CAPN14: variants seen among roughly 807,000 people sequenced by gnomAD.
CAPN14 encodes calpain-14.
CAPN14 carries 94 observed loss-of-function variants against 101.3 expected under a neutral mutation model. The ratio of observed to expected loss-of-function variants is 0.93; its 90% CI spans 0.79 to 1.10. The LOEUF (loss-of-function observed/expected upper bound fraction) is 1.10. CAPN14 is among the 50% of genes least tolerant of loss of function. The pLI, the probability that CAPN14 is intolerant of heterozygous loss-of-function variation, is 0.00. For synonymous variants in CAPN14, 338 were observed against 317.9 expected (o/e 1.06, Z -0.67); for missense variants, 837 against 828.4 (o/e 1.01, Z -0.13).
chr2:31,198,256 C>T (rs952356281), intron 7 of CAPN14, among the ~76,000 whole-genome samples: 1 of 152,214 alleles, frequency 6.6e-6, no homozygotes, highest in Non-Finnish European at 1.5e-5. Flanking sequence ...AAGCCCCCTC[C>T]CTGCTCCGAG....
At chr2:31,203,586 C>A (rs1206000647) in intron 2 of CAPN14, among the ~76,000 whole-genome samples, 1 of 152,084 alleles carries the variant, frequency 6.6e-6, no homozygotes, top group Non-Finnish European at 1.5e-5. Flanking sequence ...GGGGGGTTGT[C>A]TCTGCTCCGT....
At chr2:31,197,379 A>G (rs7568661) in intron 7 of CAPN14, 45 bp from the exon 8 acceptor site, 227,486 of 1,322,830 alleles carry the variant, frequency 0.17, 21,371 homozygotes, top group East Asian at 0.33. Context: ...CTGAGTGCAA[A>G]CATTCCAGAG....
At chr2:31,232,422 C>T (rs1683222472) in intron 1 of CAPN14, among the ~76,000 whole-genome samples, 1 of 152,226 alleles carries the variant, frequency 6.6e-6, no homozygotes, top group Non-Finnish European at 1.5e-5. Context: ...CCTAAATGGT[C>T]TCTTGGCCTC....
chr2:31,200,648 T>C (rs954619843), intron 5 of CAPN14, 23 bp from the exon 6 acceptor site: 6 of 1,521,964 alleles, frequency 3.9e-6, no homozygotes, highest in Non-Finnish European at 4.4e-6. Context: ...GAAATAAACA[T>C]GAGAGGAAAA....
intron 7 of CAPN14, 96 bp downstream of exon 7, chr2:31,199,374 C>A (rs548577971): frequency 6.6e-6 from 7 of 1,067,396 alleles, no homozygotes; most frequent in Non-Finnish European, 9.8e-6. Flanking sequence ...ACCCACTCTC[C>A]AGATGGTACA....
At chr2:31,197,122 C>T (rs1479592487) in intron 8 of CAPN14, 127 bp downstream of exon 8, 3 of 617,456 alleles carry the variant, frequency 4.9e-6, no homozygotes, top group Non-Finnish European at 8.8e-6. Flanking sequence ...ATTGAGCTTC[C>T]CCGTCTAAAG....
rs1174364231 is a variant in CAPN14 at position 31,174,461 on chromosome 2, T to C, written c.*220A>G. 1.3e-5 allele frequency: 8 copies of C among 601,144 alleles called. No individual in the cohort carries two copies. The highest frequency in any genetic ancestry group is 2.4e-5 in the Non-Finnish European group (8 of 339,208). 37.2% of individuals were successfully genotyped at this position (601,144 alleles called of 1,614,324 possible). On this transcript the variant is annotated 3_prime_UTR_variant, in exon 22 of 22. Transcript: ENST00000403897. Reference sequence around the variant, plus strand: ...GCCTCAGGGAAGGATGGCTAGCTTTTACAAATCTGATGTAATCTTTACTTC... The same window carrying C: ...GCCTCAGGGAAGGATGGCTAGCTTTCACAAATCTGATGTAATCTTTACTTC...
chr2:31,191,387 T>G lies in CAPN14; in HGVS notation c.1287+12A>C. ...CCCAAACTAGGGCCACCCGGTCAAG[T>G]GCAGAACTCACCTTGTTCATCTAAA... On this transcript the variant is annotated intron_variant, in intron 12 of 21. Coordinates refer to ENST00000403897, the MANE Select transcript of CAPN14 (RefSeq NM_001145122.2). The G allele has an allele frequency of 6.5e-7, 1 of 1,536,974 alleles. No individual in the cohort carries two copies. Among genetic ancestry groups the G allele is most frequent in the Non-Finnish European group, 8.7e-7 (1 of 1,143,912 alleles).
Position 31,192,042 on chromosome 2 carries a change from T to C in CAPN14, c.1171A>G (p.Arg391Gly). Reference sequence around the variant, plus strand: ...ACGCTGCAGGGCCTCAGGGATCTCCTGCCCTCCTCGGGCCTCCAGACAGAC... The same window carrying C: ...ACGCTGCAGGGCCTCAGGGATCTCCCGCCCTCCTCGGGCCTCCAGACAGAC... ...LLSVWRPEEG[R>G]RSLRPCSVLV... The change falls in exon 11 of 22, where the codon AGG becomes GGG. Residue 391 changes from arginine to glycine, a missense_variant. Physicochemically the swap from Arg to Gly is moderately radical, Grantham distance 125. Coordinates refer to ENST00000403897, the MANE Select transcript of CAPN14 (RefSeq NM_001145122.2). 6.4e-7 allele frequency: 1 copy of C among 1,551,566 alleles called. No homozygotes were observed. The highest frequency in any genetic ancestry group is 1.4e-5 in the African/African-American group (1 of 73,176).
At chr2:31,228,462 A>G (rs1472347712) in intron 1 of CAPN14, 2 of 152,168 alleles carry the variant, frequency 1.3e-5, no homozygotes, top group Non-Finnish European at 2.9e-5. Flanking sequence ...CCCAGAGCAA[A>G]CACCACAGAT....
chr2:31,224,606 T>C (rs1485598417), intron 2 of CAPN14, among the ~76,000 whole-genome samples: 1 of 151,500 alleles, frequency 6.6e-6, no homozygotes, highest in East Asian at 1.9e-4. Context: ...ATAGTATTAA[T>C]AAAAAAGAAA....
chr2:31,231,814 C>T (rs959804656), intron 1 of CAPN14, among the ~76,000 whole-genome samples: 1 of 152,226 alleles, frequency 6.6e-6, no homozygotes, highest in Non-Finnish European at 1.5e-5. Context: ...TGTATTAACA[C>T]CAGGCGTGGC....
Position 31,174,617 on chromosome 2 carries a change from A to C in CAPN14, c.*64T>G. 2 of 1,534,272 alleles carry C rather than the reference A, an allele frequency of 1.3e-6. No homozygotes were observed. The highest frequency in any genetic ancestry group is 1.8e-6 in the Non-Finnish European group (2 of 1,132,056). On this transcript the variant is annotated 3_prime_UTR_variant, in exon 22 of 22. Transcript: ENST00000403897. ...AGTAGGGTGGGCATGGGTTGGTCTC[A>C]GCCAAAGGCTGCTCTTGGGCCACAT...
intron 1 of CAPN14, among the ~76,000 whole-genome samples, chr2:31,231,402 A>T (rs1203473977): frequency 6.6e-6 from 1 of 152,220 alleles, no homozygotes; most frequent in East Asian, 1.9e-4. Context: ...GAACTTCTTT[A>T]ACATCTTTCT....
At chr2:31,201,291 C>T (rs1450187198) in intron 5 of CAPN14, among the ~76,000 whole-genome samples, 1 of 151,968 alleles carries the variant, frequency 6.6e-6, no homozygotes, top group Non-Finnish European at 1.5e-5. Flanking sequence ...TGCCAAGTAC[C>T]CTCTAGGGTC....
At chr2:31,206,094 G>A (rs866195879) in intron 1 of CAPN14, among the ~76,000 whole-genome samples, 6 of 148,070 alleles carry the variant, frequency 4.1e-5, no homozygotes, top group South Asian at 2.2e-4. Flanking sequence ...GTGCAGTGGC[G>A]CGATCTCGGC....
chr2:31,183,839 T>TTCCC (rs1295250631), intron 16 of CAPN14, among the ~76,000 whole-genome samples: 4 of 144,168 alleles, frequency 2.8e-5, no homozygotes, highest in Admixed American at 6.9e-5. Context: ...TCTCTCCTTC[T>TTCCC]TCCCTCCCTC....
upstream of CAPN14, among the ~76,000 whole-genome samples, chr2:31,221,861 G>A (rs995785349): frequency 2.6e-5 from 4 of 152,186 alleles, no homozygotes; most frequent in Admixed American, 2.6e-4. Flanking sequence ...AAAGTGCCTT[G>A]AAGTCAGCAG....
At chr2:31,200,294 C>T (rs532572737) in intron 6 of CAPN14, among the ~76,000 whole-genome samples, 157 bp downstream of exon 6, 47 of 152,264 alleles carry the variant, frequency 3.1e-4, no homozygotes, top group Middle Eastern at 3.4e-3. Flanking sequence ...TGTGAGCCAC[C>T]GCACCTGGCC....
Sources: allele counts gnomAD v4.1 joint callset (sites outside exome capture counted in the v4.1 genomes callset), GRCh38; gene constraint gnomAD v4.1.1; transcripts MANE v1.5; gene names NCBI Gene and HGNC (gene_info 2026-07-23, HGNC 2026-07-21).